MAGI2: variants seen among roughly 807,000 people sequenced by gnomAD.
The protein encoded by MAGI2 is membrane associated guanylate kinase, WW and PDZ domain containing 2.
Under a neutral mutation model 133.3 loss-of-function variants are expected in MAGI2, and 35 were observed. That is an observed-to-expected ratio of 0.26 (90% CI 0.20 to 0.35). The LOEUF (loss-of-function observed/expected upper bound fraction) is 0.35, where lower values mean the gene tolerates loss of function less well. Among genes scored for constraint, MAGI2 ranks in the 10% least tolerant of loss-of-function variants. The pLI is 1.00. For missense variants in MAGI2, 1,636 were observed against 1,863.4 expected (o/e 0.88, Z 2.25); for synonymous variants, 729 against 710.6 (o/e 1.03, Z -0.41).
chr7:78,846,057 A>G (rs1210425875), intron 2 of MAGI2, among the ~76,000 whole-genome samples: 2 of 151,932 alleles, frequency 1.3e-5, no homozygotes, highest in African/African-American at 4.8e-5. Flanking sequence ...AGTACTTTTT[A>G]GGTTTTAGAA....
intron 2 of MAGI2, among the ~76,000 whole-genome samples, chr7:78,639,767 C>G (rs1810076117): frequency 6.6e-6 from 1 of 152,128 alleles, no homozygotes; most frequent in Admixed American, 6.5e-5. Flanking sequence ...ACAGGAAATT[C>G]TCCCCATTCA....
intron 1 of MAGI2, among the ~76,000 whole-genome samples, chr7:79,348,577 A>G (rs1439954818): frequency 1.3e-5 from 2 of 151,820 alleles, no homozygotes; most frequent in African/African-American, 2.4e-5. Flanking sequence ...GTGCTCAGTA[A>G]TTTGTGTGTT....
At position 78,317,766 on chromosome 7, in the gene MAGI2, A is replaced by T. The variant is rs62463923; in HGVS notation, c.1408+26012T>A. 1.3e-5 allele frequency among the ~76,000 whole-genome samples: 2 copies of T among 152,198 alleles called. 1 individual carries two copies. Among genetic ancestry groups the T allele is most frequent in the South Asian group, 4.1e-4 (2 of 4,832 alleles). On this transcript the variant is annotated intron_variant, in intron 9 of 21. Transcript: ENST00000354212. The stretch of plus-strand genomic sequence containing the variant: ...CTGGTTGGCATATGGTGGGTGCCCC[A>T]CTAGGATGAAGCTTCCAGAGGAAGG...
At chr7:79,287,160 T>C (rs1472678829) in intron 1 of MAGI2, among the ~76,000 whole-genome samples, 1 of 152,082 alleles carries the variant, frequency 6.6e-6, no homozygotes, top group Non-Finnish European at 1.5e-5. Context: ...ATTTAAAATA[T>C]GCAATCTCAG....
chr7:78,365,587 A>T (rs898415987), intron 7 of MAGI2, among the ~76,000 whole-genome samples: 7 of 152,188 alleles, frequency 4.6e-5, no homozygotes, highest in African/African-American at 7.2e-5. Flanking sequence ...TATAAATGTG[A>T]TAGAAACTGT....
At chr7:79,026,731 C>T (rs570419451) in intron 1 of MAGI2, among the ~76,000 whole-genome samples, 6 of 151,434 alleles carry the variant, frequency 4.0e-5, no homozygotes, top group South Asian at 2.1e-4. Flanking sequence ...AAACTTAGTC[C>T]GGTGTGTTGG....
At chr7:79,192,464 A>G (rs1827756378) in intron 1 of MAGI2, among the ~76,000 whole-genome samples, 1 of 151,862 alleles carries the variant, frequency 6.6e-6, no homozygotes, top group Non-Finnish European at 1.5e-5. Flanking sequence ...GAGGGTATAT[A>G]TAAAAAAAAC....
At chr7:78,081,617 G>A (rs1004527530) in intron 20 of MAGI2, among the ~76,000 whole-genome samples, 3 of 152,188 alleles carry the variant, frequency 2.0e-5, no homozygotes, top group Non-Finnish European at 2.9e-5. Context: ...AGTAGCATAT[G>A]TAAAGGCTGC....
At chr7:78,532,808 A>C (rs1042642626) in intron 3 of MAGI2, among the ~76,000 whole-genome samples, 4 of 152,240 alleles carry the variant, frequency 2.6e-5, no homozygotes, top group Non-Finnish European at 5.9e-5. Flanking sequence ...CTTTGACTGC[A>C]TGATGCTAGC....
At chr7:78,060,245 C>CG (rs1347946380) in intron 21 of MAGI2, among the ~76,000 whole-genome samples, 1 of 44,396 alleles carries the variant, frequency 2.3e-5, no homozygotes, top group Non-Finnish European at 4.6e-5. Context: ...ACAAAAGGGA[C>CG]CCCCCCCCCT....
rs544961243 is a variant in MAGI2 at position 78,747,559 on chromosome 7, T to C, written c.419-120320A>G. Among the ~76,000 whole-genome samples the C allele has an allele frequency of 6.5e-4, 99 of 152,184 alleles. 3 individuals carry two copies. In the South Asian group the frequency reaches 0.02, roughly 30 times the overall value. On this transcript the variant is annotated intron_variant, in intron 2 of 21. Transcript: ENST00000354212. ...ATCAAATAAAGGAAGTTAAGGGATATCTAATTTTGTGCTGGTAAAATATCC... is the reference window on the plus strand; with the variant it reads ...ATCAAATAAAGGAAGTTAAGGGATACCTAATTTTGTGCTGGTAAAATATCC...
chr7:78,099,138 T>A (rs1301431448), intron 20 of MAGI2, among the ~76,000 whole-genome samples: 1 of 152,210 alleles, frequency 6.6e-6, no homozygotes, highest in African/African-American at 2.4e-5. Flanking sequence ...TGAAATGTAT[T>A]AAGTATCAGT....
At chr7:78,603,059 A>T (rs1239507700) in intron 3 of MAGI2, among the ~76,000 whole-genome samples, 2 of 152,166 alleles carry the variant, frequency 1.3e-5, no homozygotes, top group Non-Finnish European at 2.9e-5. Context: ...AATTCTGGGC[A>T]CTGGTTGCTA....
At chr7:79,452,271 C>T (rs1460951405) in intron 1 of MAGI2, among the ~76,000 whole-genome samples, 4 of 152,222 alleles carry the variant, frequency 2.6e-5, no homozygotes, top group Non-Finnish European at 4.4e-5. Flanking sequence ...CAGCACTAGA[C>T]TGCGCTCCTA....
intron 7 of MAGI2, among the ~76,000 whole-genome samples, chr7:78,355,159 T>TG (rs1173955246): frequency 6.6e-6 from 1 of 152,200 alleles, no homozygotes; most frequent in African/African-American, 2.4e-5. Flanking sequence ...GTAACTGTAA[T>TG]GGGGGATGTA....
intron 1 of MAGI2, among the ~76,000 whole-genome samples, chr7:79,240,741 G>A (rs947523360): frequency 1.3e-5 from 2 of 152,188 alleles, no homozygotes; most frequent in South Asian, 2.1e-4. Flanking sequence ...AAATTGTCCC[G>A]TGCTTTCTAT....
intron 2 of MAGI2, among the ~76,000 whole-genome samples, chr7:78,843,938 T>G (rs1370636657): frequency 3.4e-5 from 5 of 149,226 alleles, no homozygotes; most frequent in African/African-American, 1.2e-4. Context: ...TTTTGATTAT[T>G]TTCTTTTTGG....
intron 2 of MAGI2, among the ~76,000 whole-genome samples, chr7:78,851,729 T>A (rs522601): frequency 0.63 from 95,101 of 152,050 alleles, 30,753 homozygotes; most frequent in East Asian, 0.73. Context: ...CTGAGATCCA[T>A]CCATGTTGAC....
intron 9 of MAGI2, among the ~76,000 whole-genome samples, chr7:78,308,633 C>T (rs1020877025): frequency 1.3e-5 from 2 of 151,764 alleles, no homozygotes; most frequent in Admixed American, 6.6e-5. Flanking sequence ...TACTCCCTTC[C>T]TTTTCAGGTG....
Sources: gnomAD v4.1 joint callset for allele counts (sites outside exome capture counted in the v4.1 genomes callset) on GRCh38, gnomAD v4.1.1 for gene constraint, MANE v1.5 for transcripts, NCBI Gene and HGNC (gene_info 2026-07-23, HGNC 2026-07-21) for gene names.